AP2A2: variants seen among roughly 807,000 people sequenced by gnomAD.
The protein encoded by AP2A2 is AP-2 complex subunit alpha-2.
In AP2A2, 32 loss-of-function variants were observed where a neutral mutation model predicts 104.2. That is an observed-to-expected ratio of 0.31 (90% confidence interval 0.23 to 0.41). The LOEUF (loss-of-function observed/expected upper bound fraction) is 0.41, where lower values mean the gene tolerates loss of function less well. Among genes scored for constraint, AP2A2 ranks in the 10% least tolerant of loss-of-function variants. AP2A2 has a pLI of 1.00. For missense variants in AP2A2, 912 were observed against 1,261.0 expected (o/e 0.72, Z 4.19); for synonymous variants, 539 against 533.3 (o/e 1.01, Z -0.15).
Position 964,245 on chromosome 11 carries a change from C to T in AP2A2, c.136+4740C>T, listed in dbSNP as rs1292065803. Among the ~76,000 whole-genome samples, 8 of 152,150 alleles carry T rather than the reference C, an allele frequency of 5.3e-5. No individual in the cohort carries two copies. The South Asian group carries it at 6.2e-4, about 12-fold the overall frequency. ...GGAAGGTTACAACCAGGGAAAGAAT[C>T]GATATCCAACAAAAATACCTTTCAA... On this transcript the variant is annotated intron_variant, in intron 2 of 21. Coordinates refer to ENST00000448903, the MANE Select transcript of AP2A2 (RefSeq NM_012305.4).
At chr11:971,567 G>A (rs1025498905) in intron 3 of AP2A2, among the ~76,000 whole-genome samples, 2 of 152,154 alleles carry the variant, frequency 1.3e-5, no homozygotes, top group Non-Finnish European at 2.9e-5. Context: ...ACAGGACTGG[G>A]GTTTGCCCTG....
intron 6 of AP2A2, among the ~76,000 whole-genome samples, 195 bp from the exon 7 acceptor site, chr11:984,450 G>A (rs1300798239): frequency 1.3e-5 from 2 of 152,222 alleles, no homozygotes; most frequent in Non-Finnish European, 2.9e-5. Context: ...GCGGCAGCGT[G>A]TTGCCGAGTG....
chr11:936,737 G>C (rs1853471145), intron 1 of AP2A2, among the ~76,000 whole-genome samples: 1 of 152,176 alleles, frequency 6.6e-6, no homozygotes. Context: ...TCTTAGAGCA[G>C]AATATTTTTG....
intron 5 of AP2A2, among the ~76,000 whole-genome samples, chr11:979,532 GC>G (rs1855170175): frequency 2.0e-5 from 3 of 152,146 alleles, no homozygotes; most frequent in African/African-American, 7.2e-5. Flanking sequence ...GTGGCACAGG[GC>G]GAGTGGTGGG....
Position 1,011,595 on chromosome 11 carries a change from A to C in AP2A2, c.*970A>C. ...CATCTGGACTCAGCACCCAGGCTGCACGTCTGACACCTGAGAGGCGAGAGA... is the reference window on the plus strand; with the variant it reads ...CATCTGGACTCAGCACCCAGGCTGCCCGTCTGACACCTGAGAGGCGAGAGA... On this transcript the variant is annotated 3_prime_UTR_variant, in exon 22 of 22. Transcript: ENST00000448903. 1.2e-5 allele frequency: 5 copies of C among 429,626 alleles called. No homozygotes were observed. Among genetic ancestry groups the C allele is most frequent in the South Asian group, 8.4e-5 (5 of 59,748 alleles). 26.6% of individuals were successfully genotyped at this position (429,626 alleles called of 1,614,324 possible).
chr11:980,652 G>T (rs917342236), intron 5 of AP2A2, among the ~76,000 whole-genome samples: 2 of 152,238 alleles, frequency 1.3e-5, no homozygotes, highest in Non-Finnish European at 2.9e-5. Context: ...GAGGACTCGC[G>T]TGCTGGGCCT....
chr11:949,490 A>T (rs1853964330), intron 1 of AP2A2, among the ~76,000 whole-genome samples: 1 of 152,112 alleles, frequency 6.6e-6, no homozygotes, highest in Non-Finnish European at 1.5e-5. Flanking sequence ...AAAAAGGATT[A>T]TACAGGCCGG....
Position 1,000,577 on chromosome 11 carries a change from G to T in AP2A2, c.2102G>T (p.Gly701Val), listed in dbSNP as rs1178392358. 2.6e-6 allele frequency: 4 copies of T among 1,549,350 alleles called. No homozygotes were observed. The highest frequency in any genetic ancestry group is 1.9e-5 in the Admixed American group (1 of 52,724). Residue 701 changes from glycine (G) to valine (V), a missense_variant, in exon 15 of 22, where the codon GGC (glycine) becomes GTC (valine). Gly to Val is a moderately radical substitution (Grantham distance 109). Coordinates refer to ENST00000448903, the MANE Select transcript of AP2A2 (RefSeq NM_012305.4). ...TCTGTGGTCGCGCCTCTCGCTCCTG[G>T]CTCCGAAGACAACTTTGCCAGGTAG... is the stretch of plus-strand genomic sequence containing the variant. ...SASVVAPLAP[G>V]SEDNFARFVC...
chr11:974,605 C>G (rs1207649148), intron 4 of AP2A2, among the ~76,000 whole-genome samples: 1 of 150,482 alleles, frequency 6.6e-6, no homozygotes, highest in Admixed American at 6.7e-5. Flanking sequence ...TCGCTTGAAC[C>G]CAGGAGGCGG....
rs11246353 is a variant in AP2A2 at position 945,089 on chromosome 11, G to A, written c.68-14348G>A. ...GTGATGCTTGGCTCAGGTCTTGCTA[G>A]GCTGATGGGATGTGGGGGATGGTCT... On this transcript the variant is annotated intron_variant, in intron 1 of 21. Coordinates refer to ENST00000448903, the MANE Select transcript of AP2A2 (RefSeq NM_012305.4). Among the ~76,000 whole-genome samples, 1,107 of 152,204 alleles carry A rather than the reference G, an allele frequency of 7.3e-3. 7 individuals carry two copies. Among genetic ancestry groups the A allele is most frequent in the Middle Eastern group, 0.02 (6 of 294 alleles).
chr11:935,126 T>A lies in AP2A2; in HGVS notation c.67+9038T>A, dbSNP rs1421666462. ...TAGAGTGCAGTGGTGCGATCTCTGC[T>A]CACTGCAACCTCTGCCTCCCAGGTT... is the stretch of plus-strand genomic sequence containing the variant. On this transcript the variant is annotated intron_variant, in intron 1 of 21. Transcript: ENST00000448903. 2.0e-5 allele frequency among the ~76,000 whole-genome samples: 3 copies of A among 150,332 alleles called. No homozygotes were observed. In the East Asian group the frequency reaches 5.8e-4, roughly 29 times the overall value.
At chr11:998,196 G>C (rs999224511) in intron 14 of AP2A2, among the ~76,000 whole-genome samples, 7 of 152,212 alleles carry the variant, frequency 4.6e-5, no homozygotes, top group African/African-American at 1.7e-4. Flanking sequence ...CAGCTCCTCT[G>C]TGACCTCCCA....
intron 10 of AP2A2, among the ~76,000 whole-genome samples, chr11:990,633 T>G (rs376454976): frequency 2.0e-5 from 3 of 151,910 alleles, no homozygotes; most frequent in East Asian, 1.9e-4. Flanking sequence ...TGCATGATGC[T>G]CCCCCCAGCC....
chr11:950,184 A>G (rs150863942), intron 1 of AP2A2, among the ~76,000 whole-genome samples: 1 of 152,308 alleles, frequency 6.6e-6, no homozygotes, highest in African/African-American at 2.4e-5. Context: ...AAAAGTATGT[A>G]AATGGACTCC....
intron 1 of AP2A2, chr11:932,720 A>T (rs1388633081): frequency 4.4e-6 from 2 of 456,196 alleles, no homozygotes; most frequent in Non-Finnish European, 8.8e-6. Context: ...GTTGGTGGTC[A>T]CTGCTTCTGG....
At chr11:927,840 A>AT (rs1853169261) in intron 1 of AP2A2, among the ~76,000 whole-genome samples, 2 of 149,434 alleles carry the variant, frequency 1.3e-5, no homozygotes, top group East Asian at 3.9e-4. Flanking sequence ...AAAAAAAAAA[A>AT]GGCTTAGAAA....
chr11:945,141 A>C (rs1448530632), intron 1 of AP2A2, among the ~76,000 whole-genome samples: 1 of 152,076 alleles, frequency 6.6e-6, no homozygotes, highest in Admixed American at 6.5e-5. Context: ...CCCGTGTGCC[A>C]CGCTGCAGAG....
intron 1 of AP2A2, among the ~76,000 whole-genome samples, chr11:928,468 G>A (rs1418891045): frequency 3.9e-5 from 6 of 152,216 alleles, no homozygotes; most frequent in Non-Finnish European, 7.3e-5. Flanking sequence ...GGAAACTGCT[G>A]TACTCTATAA....
At chr11:951,939 C>G (rs1854067022) in intron 1 of AP2A2, among the ~76,000 whole-genome samples, 1 of 150,326 alleles carries the variant, frequency 6.7e-6, no homozygotes, top group Admixed American at 6.8e-5. Flanking sequence ...TCTGTCCTGG[C>G]TCACTGGAGT....
Sources: gnomAD v4.1 joint callset for allele counts (sites outside exome capture counted in the v4.1 genomes callset) on GRCh38, gnomAD v4.1.1 for gene constraint, MANE v1.5 for transcripts, NCBI Gene and HGNC (gene_info 2026-07-23, HGNC 2026-07-21) for gene names.